The following SCAPER variants were observed in gnomAD, a reference collection of about 807,000 sequenced individuals.
SCAPER encodes S phase cyclin A-associated protein in the endoplasmic reticulum.
SCAPER carries 98 observed loss-of-function variants against 182.2 expected under a neutral mutation model. That is an observed-to-expected ratio of 0.54 (90% confidence interval 0.46 to 0.64). SCAPER has a LOEUF of 0.64. Among genes scored for constraint, SCAPER ranks in the 30% least tolerant of loss-of-function variants. The probability of loss-of-function intolerance (pLI) is 0.00; values close to 1 mark genes in which losing one functional copy is unlikely to be tolerated. For missense variants in SCAPER, 1,432 were observed against 1,690.0 expected, an observed-to-expected ratio of 0.85 and a Z score of 2.68; for synonymous variants, 605 against 564.6, an observed-to-expected ratio of 1.07 and a Z score of -1.01.
rs182884469 is a variant in SCAPER at position 76,546,937 on chromosome 15, T to C, written c.2838+27221A>G. On this transcript the variant is annotated intron_variant, in intron 23 of 31. Coordinates refer to ENST00000563290, the MANE Select transcript of SCAPER (RefSeq NM_020843.4). ...ATGCTACAAACTTATCCCCTTCCTT[T>C]CTGCCATTTTTCCACTGATGAACAT... 1.0e-3 allele frequency among the ~76,000 whole-genome samples: 153 copies of C among 152,292 alleles called. 2 individuals carry two copies. Among genetic ancestry groups the C allele is most frequent in the African/African-American group, 3.6e-3 (150 of 41,556 alleles).
In SCAPER at chr15:76,363,479, G is replaced by A. The variant is rs374058904; in HGVS notation, c.3856-9339C>T. 2.3e-3 allele frequency among the ~76,000 whole-genome samples: 346 copies of A among 152,312 alleles called. 16 individuals carry two copies. In the South Asian group the frequency reaches 0.066, roughly 29 times the overall value. ...TGCCACAGAGAGGAGGGGTAGGGTA[G>A]GGCAGAAGCAGCTTCTTTCTGCTGG... On this transcript the variant is annotated intron_variant, in intron 29 of 31. Coordinates refer to ENST00000563290, the MANE Select transcript of SCAPER (RefSeq NM_020843.4).
chr15:76,550,550 T>C (rs2045674043), intron 23 of SCAPER, among the ~76,000 whole-genome samples: 2 of 152,224 alleles, frequency 1.3e-5, no homozygotes, highest in African/African-American at 4.8e-5. Flanking sequence ...CTGCATAGTA[T>C]TCCATGGTGT....
intron 24 of SCAPER, among the ~76,000 whole-genome samples, chr15:76,494,766 T>C (rs1336259479): frequency 6.6e-6 from 1 of 152,054 alleles, no homozygotes; most frequent in Non-Finnish European, 1.5e-5. Context: ...ATATTCTATC[T>C]TATCAATATA....
At chr15:76,856,381 C>T (rs1158732944) in intron 4 of SCAPER, among the ~76,000 whole-genome samples, 2 of 151,918 alleles carry the variant, frequency 1.3e-5, no homozygotes, top group African/African-American at 4.8e-5. Context: ...ACCTATATAA[C>T]AAACCTGCAT....
At chr15:76,493,496 T>C (rs2052533320) in intron 24 of SCAPER, among the ~76,000 whole-genome samples, 1 of 152,190 alleles carries the variant, frequency 6.6e-6, no homozygotes, top group Non-Finnish European at 1.5e-5. Flanking sequence ...TTCCTCAAAT[T>C]AGCCTCTGAC....
intron 1 of SCAPER, among the ~76,000 whole-genome samples, chr15:76,884,180 T>C (rs912645974): frequency 6.6e-6 from 1 of 152,232 alleles, no homozygotes; most frequent in Non-Finnish European, 1.5e-5. Context: ...ATGTTTTATA[T>C]CTTACCCAGT....
chr15:76,410,282 A>G (rs1171551452), intron 26 of SCAPER, among the ~76,000 whole-genome samples: 3 of 152,212 alleles, frequency 2.0e-5, no homozygotes, highest in Non-Finnish European at 4.4e-5. Flanking sequence ...ATTTTAAGAT[A>G]ACCGTTTGTA....
intron 3 of SCAPER, among the ~76,000 whole-genome samples, chr15:76,861,652 T>C (rs1186496609): frequency 3.3e-5 from 5 of 152,182 alleles, no homozygotes; most frequent in African/African-American, 1.2e-4. Flanking sequence ...TAAAGAAATA[T>C]CTTCTATTTT....
At chr15:76,734,041 T>A (rs762935570) in intron 15 of SCAPER, among the ~76,000 whole-genome samples, 1 of 152,196 alleles carries the variant, frequency 6.6e-6, no homozygotes. Flanking sequence ...TTTGCAACTA[T>A]ACAAATTACA....
rs1161325545 is a variant in SCAPER, at chr15:76,440,907, GTTTTTTTTTTGTT to G, written c.3079-6610_3079-6598del. On this transcript the variant is annotated intron_variant, in intron 25 of 31. Transcript: ENST00000563290. ...ATCTTTTAAAATTATTCCCCTTCTGGTTTTTTTTTTGTTTTTTTTTTTTTTTTTTTTGGGGACG... is the reference window on the plus strand; with the variant it reads ...ATCTTTTAAAATTATTCCCCTTCTGGTTTTTTTTTTTTTTTTTTGGGGACG... Among the ~76,000 whole-genome samples the G allele has an allele frequency of 2.4e-3, 196 of 82,858 alleles. 2 individuals are homozygous for G. The highest frequency in any genetic ancestry group is 0.026 in the Middle Eastern group (2 of 76). The allele number at this position is 82,858 out of a possible 152,430, so 54.4% of individuals were successfully genotyped here.
chr15:76,508,535 G>A (rs2041778118), intron 23 of SCAPER, among the ~76,000 whole-genome samples: 1 of 152,156 alleles, frequency 6.6e-6, no homozygotes, highest in South Asian at 2.1e-4. Context: ...GTTAATTTCA[G>A]TTATTCCACA....
chr15:76,557,389 T>G (rs981558779), intron 23 of SCAPER, among the ~76,000 whole-genome samples: 1 of 152,232 alleles, frequency 6.6e-6, no homozygotes, highest in African/African-American at 2.4e-5. Context: ...TGATATAGTT[T>G]GGCTCTGTGT....
intron 9 of SCAPER, chr15:76,774,344 A>G (rs1384018284): frequency 1.4e-5 from 5 of 368,282 alleles, no homozygotes; most frequent in Non-Finnish European, 2.6e-5. Context: ...ACTATATCCA[A>G]TGAAAGATAT....
At chr15:76,428,018 T>C (rs933917982) in intron 26 of SCAPER, among the ~76,000 whole-genome samples, 1 of 151,980 alleles carries the variant, frequency 6.6e-6, no homozygotes, top group Non-Finnish European at 1.5e-5. Flanking sequence ...GAGGATTGCT[T>C]GACCCTGGGG....
chr15:76,838,575 C>T (rs1032899957), intron 5 of SCAPER, among the ~76,000 whole-genome samples: 7 of 152,188 alleles, frequency 4.6e-5, no homozygotes, highest in African/African-American at 1.7e-4. Context: ...AGAGTCCCTT[C>T]AAGCCCAGCT....
At chr15:76,789,565 G>A (rs1427994837) in intron 8 of SCAPER, among the ~76,000 whole-genome samples, 3 of 152,064 alleles carry the variant, frequency 2.0e-5, no homozygotes, top group Non-Finnish European at 4.4e-5. Flanking sequence ...TATAACTTAG[G>A]TCTCTTTAAA....
At chr15:76,714,116 G>A (rs1182984424) in intron 17 of SCAPER, among the ~76,000 whole-genome samples, 2 of 152,094 alleles carry the variant, frequency 1.3e-5, no homozygotes, top group East Asian at 1.9e-4. Context: ...ATAGTGCAGA[G>A]TAAAAGATGA....
At chr15:76,559,192 A>C (rs1486931581) in intron 23 of SCAPER, among the ~76,000 whole-genome samples, 48 of 132,592 alleles carry the variant, frequency 3.6e-4, no homozygotes, top group African/African-American at 1.2e-3. Context: ...CCACCACCAC[A>C]CCCAGCTAAT....
rs555494511 is a variant in SCAPER, at chr15:76,578,031, T to C, written c.2712-3747A>G. 6.6e-5 allele frequency among the ~76,000 whole-genome samples: 10 copies of C among 151,892 alleles called. No individual in the cohort carries two copies. The East Asian group carries it at 2.0e-3, about 30-fold the overall frequency. ...ACACCACAAACTGAATGAAGAGCCC[T>C]TGGGCCTTGAGTGAACACTGACAGT... On this transcript the variant is annotated intron_variant, in intron 22 of 31. Transcript: ENST00000563290.
Sources: allele counts gnomAD v4.1 joint callset (sites outside exome capture counted in the v4.1 genomes callset), GRCh38; gene constraint gnomAD v4.1.1; transcripts MANE v1.5; gene names NCBI Gene and HGNC (gene_info 2026-07-23, HGNC 2026-07-21).